Variants in ABI3BP observed in about 807,000 individuals in gnomAD.
ABI3BP encodes the protein target of Nesh-SH3.
A neutral mutation model predicts 268.6 loss-of-function variants in ABI3BP; 216 were observed. The ratio of observed to expected loss-of-function variants is 0.80; its 90% CI spans 0.72 to 0.90. ABI3BP has a LOEUF of 0.90. Among genes scored for constraint, ABI3BP ranks in the 40% least tolerant of loss-of-function variants. The probability of loss-of-function intolerance (pLI) is 0.00; values close to 1 mark genes in which losing one functional copy is unlikely to be tolerated. For missense variants in ABI3BP, 2,090 were observed against 2,182.4 expected, an observed-to-expected ratio of 0.96 and a Z score of 0.84; for synonymous variants, 730 against 730.0, an observed-to-expected ratio of 1.00 and a Z score of 0.00.
intron 63 of ABI3BP, among the ~76,000 whole-genome samples, chr3:100,756,261 G>C (rs1462373113): frequency 6.6e-6 from 1 of 152,072 alleles, no homozygotes; most frequent in Non-Finnish European, 1.5e-5. Context: ...GCGGTGGCTC[G>C]TGCCTGTAAT....
At chr3:100,753,667 G>T (rs1165084821) in intron 65 of ABI3BP, among the ~76,000 whole-genome samples, 152 bp downstream of exon 65, 1 of 152,154 alleles carries the variant, frequency 6.6e-6, no homozygotes. Flanking sequence ...CCTCAGTGTT[G>T]TACAATGTGT....
intron 1 of ABI3BP, among the ~76,000 whole-genome samples, chr3:100,966,311 T>C (rs1240821190): frequency 6.6e-6 from 1 of 152,240 alleles, no homozygotes; most frequent in East Asian, 1.9e-4. Context: ...CCTTAGCTTT[T>C]GCCAACTTTT....
rs377450718 is a variant in ABI3BP, at chr3:100,850,723, G to T, written c.1363C>A (p.Arg455Ser). Residue 455 changes from arginine to serine, a missense_variant, in exon 16 of 68, where the codon CGT becomes AGT. By Grantham distance (110) the Arg-to-Ser change is moderately radical. Transcript: ENST00000471714. ...ISDSYTATSD[R>S]ILDSIPPKTS... The stretch of plus-strand genomic sequence containing the variant: ...TTAGGTGGGATAGAATCCAGAATAC[G>T]ATCACTTGTTGCTGTTGGAATAAAT... 6.2e-7 allele frequency: 1 copy of T among 1,612,256 alleles called. No individual in the cohort carries two copies. The highest frequency in any genetic ancestry group is 8.5e-7 in the Non-Finnish European group (1 of 1,178,660).
chr3:100,915,358 C>A (rs1369304591), intron 2 of ABI3BP, among the ~76,000 whole-genome samples: 3 of 152,152 alleles, frequency 2.0e-5, no homozygotes, highest in African/African-American at 7.2e-5. Context: ...GAGACTTGCC[C>A]CAACCAAATG....
chr3:100,828,163 G>T (rs2098422376), intron 34 of ABI3BP, among the ~76,000 whole-genome samples: 1 of 152,248 alleles, frequency 6.6e-6, no homozygotes, highest in Admixed American at 6.5e-5. Flanking sequence ...CCTTAATAGA[G>T]AACTCTGGTT....
intron 2 of ABI3BP, among the ~76,000 whole-genome samples, chr3:100,909,172 T>C (rs953560086): frequency 1.3e-5 from 2 of 152,184 alleles, no homozygotes; most frequent in Non-Finnish European, 2.9e-5. Context: ...GATTCACTAC[T>C]TAACAAATGG....
chr3:100,846,490 G>C (rs761236633), intron 19 of ABI3BP, 44 bp from the exon 20 acceptor site: 22 of 1,432,314 alleles, frequency 1.5e-5, no homozygotes, highest in Non-Finnish European at 1.7e-5. Flanking sequence ...TCAATATTTA[G>C]GCATTTCAGT....
In ABI3BP at chr3:100,866,867, C is replaced by A. The variant is rs1187428861; in HGVS notation, c.988+12G>T. 1 of 1,610,200 alleles carries A rather than the reference C, an allele frequency of 6.2e-7. No individual in the cohort carries two copies. The highest frequency in any genetic ancestry group is 8.5e-7 in the Non-Finnish European group (1 of 1,177,254). ...TCTTTTCTCAAGGTCAACAACATAG[C>A]GATCTCATTACCTGTTGTGGGTCGT... On this transcript the variant is annotated intron_variant, in intron 10 of 67. Transcript: ENST00000471714.
chr3:100,751,731 A>G, intron 66 of ABI3BP, 57 bp from the exon 67 acceptor site: 3 of 1,481,792 alleles, frequency 2.0e-6, no homozygotes, highest in Non-Finnish European at 2.7e-6. Flanking sequence ...AAATGTGACA[A>G]TTTTGAAATC....
At chr3:100,800,701 G>C (rs2097509172) in intron 51 of ABI3BP, among the ~76,000 whole-genome samples, 1 of 152,100 alleles carries the variant, frequency 6.6e-6, no homozygotes, top group Admixed American at 6.6e-5. Context: ...GAATGGTCTT[G>C]TTCTCCTGAC....
chr3:100,958,906 A>G (rs2077787641), intron 1 of ABI3BP, among the ~76,000 whole-genome samples: 1 of 152,192 alleles, frequency 6.6e-6, no homozygotes, highest in Non-Finnish European at 1.5e-5. Flanking sequence ...CTTACAGAAA[A>G]GATCGGAAGC....
In ABI3BP at chr3:100,824,887, G is replaced by C; in HGVS notation, c.2717C>G (p.Pro906Arg). 1 of 1,536,058 alleles carries C rather than the reference G, an allele frequency of 6.5e-7. No individual in the cohort carries two copies. Among genetic ancestry groups the C allele is most frequent in the Non-Finnish European group, 8.7e-7 (1 of 1,146,694 alleles). The change falls in exon 36 of 68, where the codon CCG (proline) becomes CGG (arginine). Residue 906 changes from proline (P) to arginine (R), a missense_variant. By Grantham distance (103) the Pro-to-Arg change is moderately radical. Transcript: ENST00000471714. ...RPPRPRPKTTPSPQAPETKPV... is the reference protein window; with the variant it reads ...RPPRPRPKTTRSPQAPETKPV... Reference sequence around the variant, plus strand: ...TTTGGTCTCAGGTGCCTGAGGGCTCGGTGTAGTTTTAGGTCTGGGACGTGG... The same window carrying C: ...TTTGGTCTCAGGTGCCTGAGGGCTCCGTGTAGTTTTAGGTCTGGGACGTGG...
intron 1 of ABI3BP, among the ~76,000 whole-genome samples, chr3:100,962,038 T>C (rs2079319597): frequency 6.6e-6 from 1 of 152,172 alleles, no homozygotes; most frequent in Non-Finnish European, 1.5e-5. Flanking sequence ...GAACATCAAA[T>C]AGTAGGGTAG....
intron 31 of ABI3BP, 82 bp from the exon 32 acceptor site, chr3:100,830,716 G>A (rs193005091): frequency 3.2e-4 from 366 of 1,155,504 alleles, no homozygotes; most frequent in South Asian, 2.6e-3. Context: ...ACCAAAAATC[G>A]GATTTCTAAG....
intron 63 of ABI3BP, among the ~76,000 whole-genome samples, chr3:100,761,524 A>G (rs933365881): frequency 2.0e-5 from 3 of 152,212 alleles, no homozygotes; most frequent in Middle Eastern, 3.4e-3. Context: ...AAACTCTACC[A>G]TTAGCAAAAC....
In ABI3BP at chr3:100,862,836, A is replaced by G; in HGVS notation, c.1210+2T>C. ...ATATTAAATTTAAGGTACTCTTATT[A>G]CCCAATGTGCCCCTAGGTTTCTCAA... On this transcript the variant is annotated splice_donor_variant, in intron 13 of 67. Coordinates refer to ENST00000471714, the MANE Select transcript of ABI3BP (RefSeq NM_001375547.2). LOFTEE classifies it high-confidence loss of function. 1 of 1,532,506 alleles carries G rather than the reference A, an allele frequency of 6.5e-7. No homozygotes were observed. The highest frequency in any genetic ancestry group is 8.7e-7 in the Non-Finnish European group (1 of 1,143,950). The allele number at this position is 1,532,506 out of a possible 1,614,324, so 94.9% of individuals were successfully genotyped here.
chr3:100,847,839 A>G (rs1197251651), intron 18 of ABI3BP, among the ~76,000 whole-genome samples, 166 bp from the exon 19 acceptor site: 1 of 152,236 alleles, frequency 6.6e-6, no homozygotes, highest in African/African-American at 2.4e-5. Flanking sequence ...ATAACAGTAT[A>G]CATCATACAA....
chr3:100,933,786 A>G (rs2064742796), intron 1 of ABI3BP, among the ~76,000 whole-genome samples: 1 of 151,870 alleles, frequency 6.6e-6, no homozygotes, highest in African/African-American at 2.4e-5. Context: ...AGCACATGAA[A>G]AAATGCCCAA....
intron 34 of ABI3BP, 143 bp downstream of exon 34, chr3:100,828,250 C>G (rs1202736475): frequency 3.0e-6 from 2 of 656,220 alleles, no homozygotes; most frequent in African/African-American, 3.7e-5. Flanking sequence ...TCAGATGTAG[C>G]TCTCTTATGA....
Sources: allele counts gnomAD v4.1 joint callset (sites outside exome capture counted in the v4.1 genomes callset), GRCh38; gene constraint gnomAD v4.1.1; transcripts MANE v1.5; gene names NCBI Gene and HGNC (gene_info 2026-07-23, HGNC 2026-07-21).